TMEM272: variants seen among roughly 807,000 people sequenced by gnomAD.
TMEM272 encodes long intergenic non-protein coding RNA 282.
Under a neutral mutation model 3.7 loss-of-function variants are expected in TMEM272, and 8 were observed. The ratio of observed to expected loss-of-function variants is 2.17; its 90% CI spans 1.27 to 3.91. The LOEUF (loss-of-function observed/expected upper bound fraction) is 3.91, where lower values mean the gene tolerates loss of function less well. Ranked by LOEUF, TMEM272 falls within the 30% of genes most tolerant of loss-of-function variation. TMEM272 has a pLI of 0.00. For synonymous variants in TMEM272, 63 were observed against 39.8 expected (o/e 1.58, Z -2.20); for missense variants, 166 against 91.5 (o/e 1.81, Z -3.32).
At chr13:51,861,871 A>C in the TMEM272 span, 1 of 152,460 alleles carries the variant, frequency 6.6e-6, no homozygotes, top group Non-Finnish European at 1.5e-5. Context: ...CATCCCACAC[A>C]AAGCCCCCAC....
the TMEM272 span, among the ~76,000 whole-genome samples, chr13:51,883,968 GTC>G: frequency 2.0e-5 from 3 of 152,218 alleles, no homozygotes; most frequent in African/African-American, 7.2e-5. Context: ...TTAAAAAGAT[GTC>G]AAAGTAAAAG....
the TMEM272 span, among the ~76,000 whole-genome samples, chr13:51,878,441 A>G: frequency 0.052 from 7,866 of 152,100 alleles, 479 homozygotes; most frequent in African/African-American, 0.15. Context: ...AAACAAAACA[A>G]AACAAAACAA....
At chr13:51,820,888 T>A (rs1222709461) in intron 4 of TMEM272, among the ~76,000 whole-genome samples, 1 of 152,206 alleles carries the variant, frequency 6.6e-6, no homozygotes, top group Non-Finnish European at 1.5e-5. Flanking sequence ...TTTAGGACAC[T>A]GCCCACCAGA....
At chr13:51,832,161 G>C (rs984471108) in intron 2 of TMEM272, among the ~76,000 whole-genome samples, 19 of 152,158 alleles carry the variant, frequency 1.2e-4, no homozygotes, top group Non-Finnish European at 2.8e-4. Flanking sequence ...GTGCATTTCA[G>C]GGTGGGCTGC....
At chr13:51,904,085 G>C in the TMEM272 span, among the ~76,000 whole-genome samples, 1 of 152,034 alleles carries the variant, frequency 6.6e-6, no homozygotes, top group Admixed American at 6.5e-5. Flanking sequence ...TGTGGCCCTG[G>C]GATGCTAGGC....
chr13:51,898,833 T>A, the TMEM272 span, among the ~76,000 whole-genome samples: 2 of 151,956 alleles, frequency 1.3e-5, no homozygotes, highest in African/African-American at 2.4e-5. Context: ...ACCGGCAACC[T>A]GTTATCTAGG....
At chr13:51,910,571 C>A in the TMEM272 span, 119 of 678,696 alleles carry the variant, frequency 1.8e-4, no homozygotes, top group Non-Finnish European at 3.0e-4. Context: ...TGGGTAGCAA[C>A]TGCAGGACCA....
chr13:51,929,820 G>A, the TMEM272 span, among the ~76,000 whole-genome samples: 1 of 152,260 alleles, frequency 6.6e-6, no homozygotes, highest in Non-Finnish European at 1.5e-5. Flanking sequence ...CCACTGTGAG[G>A]AGGGCCAGAC....
the TMEM272 span, among the ~76,000 whole-genome samples, chr13:51,864,108 C>A: frequency 1.3e-5 from 2 of 151,288 alleles, no homozygotes; most frequent in African/African-American, 4.9e-5. Context: ...TCCTTCCTTC[C>A]CTCCCTCTCT....
the TMEM272 span, among the ~76,000 whole-genome samples, chr13:51,894,375 T>TA: frequency 1.3e-5 from 2 of 152,202 alleles, no homozygotes; most frequent in African/African-American, 4.8e-5. Flanking sequence ...ATACCAGCTT[T>TA]ATGCCCTCCC....
chr13:51,870,197 G>A, the TMEM272 span, among the ~76,000 whole-genome samples: 265 of 152,310 alleles, frequency 1.7e-3, 1 homozygote, highest in Admixed American at 3.3e-3. Flanking sequence ...CACTCAAACA[G>A]CATGACAGTG....
At chr13:51,915,189 A>T in the TMEM272 span, among the ~76,000 whole-genome samples, 1 of 152,202 alleles carries the variant, frequency 6.6e-6, no homozygotes, top group Admixed American at 6.5e-5. Context: ...TTGACTTTTC[A>T]TCTGGCTATG....
At chr13:51,882,170 A>G in the TMEM272 span, among the ~76,000 whole-genome samples, 13 of 152,214 alleles carry the variant, frequency 8.5e-5, no homozygotes, top group Non-Finnish European at 1.8e-4. Context: ...AACCTCATTC[A>G]ATGTCTAATA....
chr13:51,929,798 T>C, the TMEM272 span, among the ~76,000 whole-genome samples: 18 of 152,336 alleles, frequency 1.2e-4, no homozygotes, highest in Admixed American at 6.5e-5. Flanking sequence ...GTTATGCAAA[T>C]AGCTCTTAGT....
the TMEM272 span, among the ~76,000 whole-genome samples, chr13:51,866,685 C>G: frequency 2.0e-5 from 3 of 152,340 alleles, no homozygotes; most frequent in East Asian, 3.9e-4. Context: ...CTGCCCTACT[C>G]AGGCAGCGTG....
chr13:51,821,001 T>C (rs2408527), intron 4 of TMEM272, among the ~76,000 whole-genome samples: 10,146 of 152,274 alleles, frequency 0.067, 522 homozygotes, highest in African/African-American at 0.13. Flanking sequence ...AGAGTTGAGC[T>C]TGTGGCTACC....
chr13:51,834,149 T>C (rs1956195792), intron 2 of TMEM272, among the ~76,000 whole-genome samples: 1 of 152,186 alleles, frequency 6.6e-6, no homozygotes, highest in Admixed American at 6.5e-5. Context: ...AGAGGGCCTG[T>C]GTGAGGCTAC....
the TMEM272 span, among the ~76,000 whole-genome samples, chr13:51,878,802 A>C: frequency 6.6e-6 from 1 of 152,206 alleles, no homozygotes; most frequent in Non-Finnish European, 1.5e-5. Context: ...CTTTTGTTAC[A>C]TATTAAATTT....
the TMEM272 span, among the ~76,000 whole-genome samples, chr13:51,888,765 C>A: frequency 6.7e-6 from 1 of 149,638 alleles, no homozygotes; most frequent in Non-Finnish European, 1.5e-5. Flanking sequence ...CCTGCCTCAG[C>A]CTCCCAAGTA....
Sources: gnomAD v4.1 joint callset for allele counts (sites outside exome capture counted in the v4.1 genomes callset) on GRCh38, gnomAD v4.1.1 for gene constraint, MANE v1.5 for transcripts, NCBI Gene and HGNC (gene_info 2026-07-23, HGNC 2026-07-21) for gene names.